The following RHOBTB3 variants were observed in gnomAD, a reference collection of about 807,000 sequenced individuals.
RHOBTB3 encodes Rho related BTB domain containing 3.
RHOBTB3 carries 47 observed loss-of-function variants against 67.2 expected under a neutral mutation model. That is an observed-to-expected ratio of 0.70 (90% CI 0.55 to 0.89). The LOEUF (loss-of-function observed/expected upper bound fraction) is 0.89. Among genes scored for constraint, RHOBTB3 ranks in the 40% least tolerant of loss-of-function variants. The probability of loss-of-function intolerance (pLI) is 0.00; values close to 1 mark genes in which losing one functional copy is unlikely to be tolerated. For synonymous variants in RHOBTB3, 273 were observed against 274.2 expected (o/e 1.00, Z 0.04); for missense variants, 631 against 750.0 (o/e 0.84, Z 1.85).
At position 95,737,013 on chromosome 5, in the gene RHOBTB3, T is replaced by C. The variant is rs762133850; in HGVS notation, c.353T>C (p.Val118Ala). 4 of 1,606,096 alleles carry C rather than the reference T, an allele frequency of 2.5e-6. No homozygotes were observed. The Admixed American group carries it at 6.7e-5, about 27-fold the overall frequency. The change falls in exon 3 of 12, where the codon GTG (valine) becomes GCG (alanine). Residue 118 changes from valine (V) to alanine (A), a missense_variant. Coordinates refer to ENST00000379982, the MANE Select transcript of RHOBTB3 (RefSeq NM_014899.4). The stretch of plus-strand genomic sequence containing the variant: ...GAAGTAAAGGATAATTATATTCCAG[T>C]GATAAAAAGAGCATTAAATTCAGTT... Reference protein sequence around the residue: ...FHEVKDNYIPVIKRALNSVPV... With the variant: ...FHEVKDNYIPAIKRALNSVPV...
chr5:95,768,042 A>T lies in RHOBTB3; in HGVS notation c.1162-4A>T. 2 of 1,612,640 alleles carry T rather than the reference A, an allele frequency of 1.2e-6. No individual in the cohort carries two copies. The highest frequency in any genetic ancestry group is 8.5e-7 in the Non-Finnish European group (1 of 1,179,016). On this transcript the variant is annotated splice_polypyrimidine_tract_variant and splice_region_variant and intron_variant, in intron 7 of 11. Coordinates refer to ENST00000379982, the MANE Select transcript of RHOBTB3 (RefSeq NM_014899.4). The stretch of plus-strand genomic sequence containing the variant: ...TTTCCCTGTATTTTTGTTTTCCCTT[A>T]TAGATTAATTGCCTAAGGAATTGCA...
intron 8 of RHOBTB3, among the ~76,000 whole-genome samples, chr5:95,779,052 T>G (rs1359962882): frequency 6.6e-6 from 1 of 152,258 alleles, no homozygotes; most frequent in Non-Finnish European, 1.5e-5. Context: ...TGTAACTCTT[T>G]TCTTCTTTCC....
upstream of RHOBTB3, among the ~76,000 whole-genome samples, chr5:95,730,319 C>T (rs1324076721): frequency 1.3e-5 from 2 of 152,116 alleles, no homozygotes; most frequent in Non-Finnish European, 2.9e-5. Flanking sequence ...AAAGGATAAG[C>T]AAGAACTCTT....
intron 5 of RHOBTB3, 26 bp downstream of exon 5, chr5:95,752,376 C>T (rs1011193858): frequency 8.7e-6 from 12 of 1,387,074 alleles, no homozygotes; most frequent in Non-Finnish European, 1.0e-6. Context: ...AATGTCTAGA[C>T]ATTCATTAAA....
Position 95,755,635 on chromosome 5 carries a change from A to C in RHOBTB3, c.922A>C (p.Ile308Leu). 1.2e-6 allele frequency: 2 copies of C among 1,614,184 alleles called. No individual in the cohort carries two copies. Among genetic ancestry groups the C allele is most frequent in the Non-Finnish European group, 1.7e-6 (2 of 1,180,030 alleles). The stretch of plus-strand genomic sequence containing the variant: ...CCGAACTACCCAGGATCTTTTTGCT[A>C]TAAACAGAGATACTGCATTTCCAGG... Reference protein sequence around the residue: ...IIRTTQDLFAINRDTAFPGAS... With the variant: ...IIRTTQDLFALNRDTAFPGAS... Residue 308 changes from isoleucine (I) to leucine (L), a missense_variant, in exon 6 of 12, where the codon ATA becomes CTA. Coordinates refer to ENST00000379982, the MANE Select transcript of RHOBTB3 (RefSeq NM_014899.4).
At chr5:95,748,960 G>A (rs1238011732) in intron 4 of RHOBTB3, among the ~76,000 whole-genome samples, 3 of 152,168 alleles carry the variant, frequency 2.0e-5, no homozygotes, top group Non-Finnish European at 4.4e-5. Context: ...CAGATTCAGA[G>A]GAACTACTTA....
chr5:95,735,568 T>G (rs1272625627), intron 2 of RHOBTB3, among the ~76,000 whole-genome samples: 1 of 152,200 alleles, frequency 6.6e-6, no homozygotes, highest in African/African-American at 2.4e-5. Context: ...ATTTCAAAGT[T>G]TGAACTTTCT....
Position 95,755,716 on chromosome 5 carries a change from C to G in RHOBTB3, c.1003C>G (p.Leu335Val). Residue 335 changes from leucine (L) to valine (V), a missense_variant, in exon 6 of 12, where the codon CTC becomes GTC. Physicochemically the swap from Leu to Val is conservative, Grantham distance 32 (BLOSUM62 1). Transcript: ENST00000379982. ...ATTACGAGTCATTGTTAAAGACGCCCTCTTCTGTTCTTGTTTATCAGACAT... is the reference window on the plus strand; with the variant it reads ...ATTACGAGTCATTGTTAAAGACGCCGTCTTCTGTTCTTGTTTATCAGACAT... ...PPLRVIVKDA[L>V]FCSCLSDILR... 2 of 1,614,056 alleles carry G rather than the reference C, an allele frequency of 1.2e-6. No individual in the cohort carries two copies. Among genetic ancestry groups the G allele is most frequent in the Non-Finnish European group, 1.7e-6 (2 of 1,179,998 alleles).
Position 95,741,544 on chromosome 5 carries a change from T to C in RHOBTB3, c.415+4469T>C, listed in dbSNP as rs1018591965. On this transcript the variant is annotated intron_variant, in intron 3 of 11. Coordinates refer to ENST00000379982, the MANE Select transcript of RHOBTB3 (RefSeq NM_014899.4). ...TTCTGTTTTTTTTTTTTTTTTTTTTTAGAAACAGGATCTTGCTGTGTTGCC... is the reference window on the plus strand; with the variant it reads ...TTCTGTTTTTTTTTTTTTTTTTTTTCAGAAACAGGATCTTGCTGTGTTGCC... Among the ~76,000 whole-genome samples the C allele has an allele frequency of 7.6e-4, 94 of 123,156 alleles. No individual in the cohort carries two copies. In the East Asian group the frequency reaches 7.8e-3, roughly 10 times the overall value. 80.8% of individuals were successfully genotyped at this position (123,156 alleles called of 152,430 possible). A position where few individuals can be genotyped will look rare whatever the true frequency, so the allele number is the denominator to read the frequency against.
intron 11 of RHOBTB3, chr5:95,789,374 G>T (rs1220498936): frequency 6.6e-6 from 1 of 152,368 alleles, no homozygotes; most frequent in African/African-American, 2.4e-5. Flanking sequence ...AAAAAATGTT[G>T]TGAAACTTAC....
At chr5:95,751,222 G>C (rs1745079950) in intron 4 of RHOBTB3, 1 of 152,176 alleles carries the variant, frequency 6.6e-6, no homozygotes, top group African/African-American at 2.4e-5. Context: ...AACATCTGTA[G>C]ACATAGAGGC....
At chr5:95,753,246 TGTG>T (rs1431977756) in intron 5 of RHOBTB3, among the ~76,000 whole-genome samples, 1 of 151,466 alleles carries the variant, frequency 6.6e-6, no homozygotes, top group East Asian at 1.9e-4. Flanking sequence ...TGTGTGTGTG[TGTG>T]TGTGTGTGTG....
intron 10 of RHOBTB3, among the ~76,000 whole-genome samples, chr5:95,787,986 A>G (rs1320339410): frequency 2.0e-5 from 3 of 152,372 alleles, no homozygotes; most frequent in Non-Finnish European, 4.4e-5. Flanking sequence ...ACACTTAAGG[A>G]TTGTTAAAAT....
At chr5:95,732,112 A>T in intron 2 of RHOBTB3, 28 bp downstream of exon 2, 1 of 1,599,270 alleles carries the variant, frequency 6.3e-7, no homozygotes, top group Middle Eastern at 1.7e-4. Flanking sequence ...CTCCGCGCTG[A>T]GGCTGAAGAA....
At chr5:95,740,464 G>C (rs928346123) in intron 3 of RHOBTB3, among the ~76,000 whole-genome samples, 1 of 152,172 alleles carries the variant, frequency 6.6e-6, no homozygotes, top group Admixed American at 6.5e-5. Flanking sequence ...AGTTACTCCA[G>C]AGCTGCCTGA....
chr5:95,787,452 TTA>T (rs1491407595), intron 10 of RHOBTB3, among the ~76,000 whole-genome samples: 18 of 87,256 alleles, frequency 2.1e-4, no homozygotes, highest in African/African-American at 6.8e-4. Context: ...CTATACAGCT[TTA>T]AAAAAAAAAA....
At chr5:95,753,059 G>C (rs1416875527) in intron 5 of RHOBTB3, among the ~76,000 whole-genome samples, 1 of 152,140 alleles carries the variant, frequency 6.6e-6, no homozygotes, top group African/African-American at 2.4e-5. Context: ...GTGAACCCAG[G>C]AGGCGGAGCT....
chr5:95,783,853 A>G lies in RHOBTB3; in HGVS notation c.1513A>G (p.Arg505Gly). ...LICAEMYQVS[R>G]LQHICELFII... is the part of the protein sequence containing the mutation. Reference sequence around the variant, plus strand: ...CTGTGCCGAGATGTACCAAGTGTCCAGACTGCAGCACATCTGTGAGCTGTT... The same window carrying G: ...CTGTGCCGAGATGTACCAAGTGTCCGGACTGCAGCACATCTGTGAGCTGTT... Residue 505 changes from arginine (R) to glycine (G), a missense_variant, in exon 10 of 12, where the codon AGA becomes GGA. Transcript: ENST00000379982. 6.2e-7 allele frequency: 1 copy of G among 1,613,952 alleles called. No homozygotes were observed. Among genetic ancestry groups the G allele is most frequent in the Non-Finnish European group, 8.5e-7 (1 of 1,179,908 alleles).
In RHOBTB3 at chr5:95,731,349, A is replaced by G; in HGVS notation, c.-334A>G. 8.9e-7 allele frequency: 1 copy of G among 1,120,236 alleles called. No individual in the cohort carries two copies. 69.4% of individuals were successfully genotyped at this position (1,120,236 alleles called of 1,614,324 possible). A position where few individuals can be genotyped will look rare whatever the true frequency, so the allele number is the denominator to read the frequency against. Reference sequence around the variant, plus strand: ...AGCGGCAGCGGCAGCAGGAGGCGACAGCTGCCAGCCGAGGAGGCGCGGCGG... The same window carrying G: ...AGCGGCAGCGGCAGCAGGAGGCGACGGCTGCCAGCCGAGGAGGCGCGGCGG... On this transcript the variant is annotated 5_prime_UTR_variant, in exon 1 of 12. Coordinates refer to ENST00000379982, the MANE Select transcript of RHOBTB3 (RefSeq NM_014899.4).
Sources: gnomAD v4.1 joint callset for allele counts (sites outside exome capture counted in the v4.1 genomes callset) on GRCh38, gnomAD v4.1.1 for gene constraint, MANE v1.5 for transcripts, NCBI Gene and HGNC (gene_info 2026-07-23, HGNC 2026-07-21) for gene names.